HSH2D: variants seen among roughly 807,000 people sequenced by gnomAD.
HSH2D encodes the protein hematopoietic SH2 domain containing, also known as hematopoietic SH2 domain-containing protein.
In HSH2D, 16 loss-of-function variants were observed where a neutral mutation model predicts 21.5. The observed-to-expected ratio is 0.74, with a 90% CI of 0.50 to 1.13. The LOEUF is 1.13. Among genes scored for constraint, HSH2D ranks in the 50% most tolerant of loss-of-function variants. HSH2D has a pLI of 0.00. For synonymous variants in HSH2D, 172 were observed against 184.7 expected, an observed-to-expected ratio of 0.93 and a Z score of 0.56; for missense variants, 418 against 441.4, an observed-to-expected ratio of 0.95 and a Z score of 0.47.
rs2091024841 is a variant in HSH2D at position 16,143,740 on chromosome 19, ACAGCGAGGGCCTC to A, written c.-61_-49del. ...GGCTCCTGCAGGCACTGGCACAGCT[ACAGCGAGGGCCTC>A]GGCCATCCAAGGGTCTCCCAGGTAT... On this transcript the variant is annotated 5_prime_UTR_variant, in exon 1 of 6. Coordinates refer to ENST00000613986, the MANE Select transcript of HSH2D (RefSeq NM_001382417.1). 2.2e-6 allele frequency: 1 copy of A among 453,914 alleles called. No homozygotes were observed. Among genetic ancestry groups the A allele is most frequent in the African/African-American group, 2.0e-5 (1 of 49,914 alleles). 28.1% of individuals were successfully genotyped at this position (453,914 alleles called of 1,614,324 possible). A position where few individuals can be genotyped will look rare whatever the true frequency, so the allele number is the denominator to read the frequency against.
rs183888228 is a variant in HSH2D at position 16,135,267 on chromosome 19, G to A, written c.-324+1032G>A. 6.2e-3 allele frequency among the ~76,000 whole-genome samples: 947 copies of A among 151,590 alleles called. 8 individuals are homozygous for A. The highest frequency in any genetic ancestry group is 6.7e-3 in the Non-Finnish European group (453 of 67,846). ...AGCCTGGGTGACAGAGCAAGACTCCGTCTCAAAAAAATAAAAAATAGTATG... is the reference window on the plus strand; with the variant it reads ...AGCCTGGGTGACAGAGCAAGACTCCATCTCAAAAAAATAAAAAATAGTATG... On this transcript the variant is annotated intron_variant, in intron 1 of 7. Coordinates refer to the HSH2D transcript ENST00000616645.
intron 1 of HSH2D, among the ~76,000 whole-genome samples, chr19:16,137,035 C>T (rs1211595595): frequency 6.6e-6 from 1 of 152,188 alleles, no homozygotes; most frequent in Non-Finnish European, 1.5e-5. Context: ...TCTTGTGTGT[C>T]CACGTCCTTG....
At chr19:16,137,936 T>G (rs1300952269) in intron 1 of HSH2D, among the ~76,000 whole-genome samples, 1 of 151,986 alleles carries the variant, frequency 6.6e-6, no homozygotes, top group Non-Finnish European at 1.5e-5. Flanking sequence ...TGGTGCAATC[T>G]TGGCTCACTG....
chr19:16,148,273 G>A (rs555539268), intron 1 of HSH2D, among the ~76,000 whole-genome samples: 100 of 151,664 alleles, frequency 6.6e-4, no homozygotes, highest in African/African-American at 1.7e-3. Context: ...CTCAGCCTCC[G>A]GAGTAGCTGG....
At chr19:16,153,825 C>T (rs552395225) in intron 4 of HSH2D, among the ~76,000 whole-genome samples, 2 of 150,432 alleles carry the variant, frequency 1.3e-5, no homozygotes, top group Non-Finnish European at 2.9e-5. Flanking sequence ...GGTTATCTCT[C>T]CTTAGAAGGC....
At position 16,157,648 on chromosome 19, in the gene HSH2D, G is replaced by A. The variant is rs1348516595; in HGVS notation, c.913G>A (p.Gly305Arg). The A allele has an allele frequency of 6.2e-7, 1 of 1,613,490 alleles. No homozygotes were observed. The highest frequency in any genetic ancestry group is 1.3e-5 in the African/African-American group (1 of 74,914). The change falls in exon 6 of 6, where the codon GGG (glycine) becomes AGG (arginine). Residue 305 changes from glycine to arginine, a missense_variant. Gly to Arg is a moderately radical substitution (Grantham distance 125). Transcript: ENST00000613986. The surrounding 1 kb of genome is among the most constrained non-coding windows in gnomAD (Gnocchi z 4.4). ...GGTCAGCTGCATTGAGGTGACCCCA[G>A]GGGACAGGAGTTGGCACCAAATGGT... ...RSVSCIEVTP[G>R]DRSWHQMVVR...
At chr19:16,149,307 A>AT (rs1193023587) in intron 2 of HSH2D, among the ~76,000 whole-genome samples, 1 of 152,088 alleles carries the variant, frequency 6.6e-6, no homozygotes, top group African/African-American at 2.4e-5. Context: ...GACTCAAGTG[A>AT]TTCTTCCGCC....
chr19:16,155,232 A>G (rs1283954173), intron 5 of HSH2D, among the ~76,000 whole-genome samples: 1 of 151,912 alleles, frequency 6.6e-6, no homozygotes, highest in Non-Finnish European at 1.5e-5. Context: ...AGTGGTACAA[A>G]TGAAACAGGC....
intron 2 of HSH2D, among the ~76,000 whole-genome samples, chr19:16,149,235 C>G (rs1281464514): frequency 6.6e-6 from 1 of 152,200 alleles, no homozygotes; most frequent in Non-Finnish European, 1.5e-5. Flanking sequence ...CAGGGTCTCA[C>G]TCTGTCACCC....
At chr19:16,143,803 A>G in intron 1 of HSH2D, 29 bp downstream of exon 1, 1 of 427,074 alleles carries the variant, frequency 2.3e-6, no homozygotes, top group Non-Finnish European at 4.8e-6. Flanking sequence ...TCAGCCCTCG[A>G]GGAGACAGAA....
At chr19:16,150,821 G>C (rs994992406) in intron 2 of HSH2D, among the ~76,000 whole-genome samples, 3 of 152,164 alleles carry the variant, frequency 2.0e-5, no homozygotes, top group Non-Finnish European at 4.4e-5. Flanking sequence ...TTGCATCTCT[G>C]CACTCCAGCC....
At chr19:16,147,501 A>T (rs1287923445) in intron 1 of HSH2D, among the ~76,000 whole-genome samples, 6 of 151,006 alleles carry the variant, frequency 4.0e-5, no homozygotes, top group Admixed American at 2.6e-4. Context: ...AAAAAAAAGA[A>T]AAAAAACACA....
At chr19:16,138,389 C>T (rs949841313) in intron 1 of HSH2D, among the ~76,000 whole-genome samples, 1 of 152,208 alleles carries the variant, frequency 6.6e-6, no homozygotes, top group Non-Finnish European at 1.5e-5. Context: ...CGTTTGGACA[C>T]CTTAGCTGTC....
At position 16,148,874 on chromosome 19, in the gene HSH2D, G is replaced by A; in HGVS notation, c.124G>A (p.Glu42Lys). The A allele has an allele frequency of 1.2e-6, 2 of 1,611,430 alleles. No homozygotes were observed. Among genetic ancestry groups the A allele is most frequent in the Admixed American group, 1.7e-5 (1 of 59,686 alleles). ...PEWFHGAISR[E>K]DAENLLESQP... ...GTGGTTCCATGGTGCAATCTCAAGA[G>A]AGTGAGGACACACCCACACCCTCCA... is the stretch of plus-strand genomic sequence containing the variant. Residue 42 changes from glutamate to lysine, a missense_variant and splice_region_variant, in exon 2 of 6, where the codon GAG (glutamate) becomes AAG (lysine). Glu to Lys is a moderately conservative substitution (Grantham distance 56). Transcript: ENST00000613986.
At chr19:16,143,192 C>G (rs1041626383), upstream of HSH2D, among the ~76,000 whole-genome samples, 1 of 152,178 alleles carries the variant, frequency 6.6e-6, no homozygotes, top group African/African-American at 2.4e-5. Context: ...TCAAGCAATT[C>G]TTGTGCCTCA....
upstream of HSH2D, among the ~76,000 whole-genome samples, chr19:16,140,108 C>T (rs868269958): frequency 9.9e-5 from 15 of 151,928 alleles, no homozygotes; most frequent in South Asian, 4.1e-4. Flanking sequence ...ATAAGAGCCC[C>T]GATGGTCAGA....
upstream of HSH2D, among the ~76,000 whole-genome samples, chr19:16,141,138 C>T (rs1410775509): frequency 1.3e-5 from 2 of 152,238 alleles, no homozygotes. Context: ...GCCCATTGCA[C>T]AGATGCAGAA....
intron 1 of HSH2D, among the ~76,000 whole-genome samples, chr19:16,136,168 G>C (rs897857018): frequency 2.0e-5 from 3 of 152,166 alleles, no homozygotes; most frequent in Non-Finnish European, 4.4e-5. Context: ...GCACTCAGGA[G>C]GACCCTGAAT....
upstream of HSH2D, among the ~76,000 whole-genome samples, chr19:16,141,319 G>C (rs1480823698): frequency 6.6e-6 from 1 of 152,178 alleles, no homozygotes; most frequent in East Asian, 1.9e-4. Context: ...GTGAGCCTGG[G>C]GTTATCTAGC....
Sources: gnomAD v4.1 joint callset for allele counts (sites outside exome capture counted in the v4.1 genomes callset) on GRCh38, gnomAD v4.1.1 for gene constraint, Gnocchi (gnomAD v3.1) non-coding constraint, MANE v1.5 for transcripts, NCBI Gene and HGNC (gene_info 2026-07-23, HGNC 2026-07-21) for gene names.